MYLK: variants seen among roughly 807,000 people sequenced by gnomAD.
MYLK encodes myosin light chain kinase, smooth muscle.
MYLK carries 106 observed loss-of-function variants against 203.4 expected under a neutral mutation model. The ratio of observed to expected loss-of-function variants is 0.52; its 90% CI spans 0.45 to 0.61. The LOEUF (loss-of-function observed/expected upper bound fraction) is 0.61. Ranked by LOEUF, MYLK falls within the 20% of genes least tolerant of loss-of-function variation. The pLI, the probability that MYLK is intolerant of heterozygous loss-of-function variation, is 0.00. For synonymous variants in MYLK, 867 were observed against 959.5 expected, an observed-to-expected ratio of 0.90 and a Z score of 1.78; for missense variants, 2,072 against 2,442.3, an observed-to-expected ratio of 0.85 and a Z score of 3.20.
intron 20 of MYLK, among the ~76,000 whole-genome samples, chr3:123,669,863 C>T (rs999128021): frequency 1.1e-4 from 16 of 151,590 alleles, no homozygotes; most frequent in African/African-American, 3.9e-4. Flanking sequence ...GGCAAAACCC[C>T]ATCTCTACGA....
intron 2 of MYLK, 79 bp downstream of exon 2, chr3:123,876,480 C>A (rs1448218574): frequency 6.6e-6 from 1 of 152,066 alleles, no homozygotes; most frequent in Non-Finnish European, 1.5e-5. Flanking sequence ...TCCTGAGAAA[C>A]TATAAAGTGA....
intron 3 of MYLK, among the ~76,000 whole-genome samples, chr3:123,798,819 A>G (rs1344322419): frequency 1.3e-5 from 2 of 152,200 alleles, no homozygotes; most frequent in Non-Finnish European, 2.9e-5. Flanking sequence ...CACTGCCATC[A>G]TCAGCATAAA....
chr3:123,666,075 G>A lies in MYLK; in HGVS notation c.3831+144C>T, dbSNP rs1270467582. On this transcript the variant is annotated intron_variant, in intron 22 of 33. Coordinates refer to ENST00000360304, the MANE Select transcript of MYLK (RefSeq NM_053025.4). The stretch of plus-strand genomic sequence containing the variant: ...AAGAACTCAGGTTTGGCAGGTGAGC[G>A]ATGGGTAGGGGAGTGGCCTCTCCCA... 1.5e-5 allele frequency: 19 copies of A among 1,281,310 alleles called. 1 individual carries two copies. Among genetic ancestry groups the A allele is most frequent in the South Asian group, 7.5e-5 (6 of 79,628 alleles). The allele number at this position is 1,281,310 out of a possible 1,614,324, so 79.4% of individuals were successfully genotyped here. A position where few individuals can be genotyped will look rare whatever the true frequency, so the allele number is the denominator to read the frequency against.
Position 123,733,744 on chromosome 3 carries a change from T to C in MYLK, c.1252A>G (p.Ser418Gly). 6.2e-7 allele frequency: 1 copy of C among 1,614,202 alleles called. No individual in the cohort carries two copies. The highest frequency in any genetic ancestry group is 1.3e-5 in the African/African-American group (1 of 75,066). The change falls in exon 10 of 34, where the codon AGC (serine) becomes GGC (glycine). Residue 418 changes from serine (S) to glycine (G), a missense_variant. By Grantham distance (56) the Ser-to-Gly change is moderately conservative. This residue lies in a region of MYLK where 683 missense variants were observed against 643.8 expected (regional missense o/e 1.06). Coordinates refer to ENST00000360304, the MANE Select transcript of MYLK (RefSeq NM_053025.4). ...QRDSAFPKFE[S>G]KPQSQEVKEN... ...TTGACCTCCTGGCTTTGGGGCTTGC[T>C]CTCAAATTTGGGGAATGCTGAATCC...
At position 123,644,600 on chromosome 3, in the gene MYLK, C is replaced by G. The variant is rs192664388; in HGVS notation, c.4619+2624G>C. 11 of 152,528 alleles carry G rather than the reference C, an allele frequency of 7.2e-5. No individual in the cohort carries two copies. The East Asian group carries it at 2.1e-3, about 29-fold the overall frequency. The allele number at this position is 152,528 out of a possible 1,614,324, so 9.4% of individuals were successfully genotyped here. A position where few individuals can be genotyped will look rare whatever the true frequency, so the allele number is the denominator to read the frequency against. The stretch of plus-strand genomic sequence containing the variant: ...CCCTGTGACTCCTGCCCTCCCTGCA[C>G]CCTCTCAACTTGCTCAAGGTTTAAC... On this transcript the variant is annotated intron_variant, in intron 27 of 33. Coordinates refer to ENST00000360304, the MANE Select transcript of MYLK (RefSeq NM_053025.4).
chr3:123,670,331 G>C (rs2108367758), intron 20 of MYLK, among the ~76,000 whole-genome samples: 2 of 152,322 alleles, frequency 1.3e-5, no homozygotes, highest in South Asian at 4.1e-4. Flanking sequence ...ACTGGAGAAA[G>C]AGGAGAACCC....
chr3:123,692,694 C>T (rs546977989), intron 19 of MYLK, 41 bp downstream of exon 19: 21 of 1,473,048 alleles, frequency 1.4e-5, no homozygotes, highest in South Asian at 1.2e-4. Context: ...AGAAATGGGA[C>T]CCCTGTGTAT....
chr3:123,695,097 G>T (rs2060859311), intron 18 of MYLK, among the ~76,000 whole-genome samples: 1 of 152,194 alleles, frequency 6.6e-6, no homozygotes, highest in African/African-American at 2.4e-5. Flanking sequence ...GGGGGCAGAG[G>T]GGAGGAAGGG....
rs758668206 is a variant in MYLK, at chr3:123,752,514, C to T, written c.190G>A (p.Val64Met). 4.3e-6 allele frequency: 7 copies of T among 1,613,828 alleles called. No individual in the cohort carries two copies. The South Asian group carries it at 6.6e-5, about 15-fold the overall frequency. Reference sequence around the variant, plus strand: ...GGTTGCCCGTTTCTGTGCCATGTCACCTGGGGCTCTGGGTAACCCCGGACC... The same window carrying T: ...GGTTGCCCGTTTCTGTGCCATGTCATCTGGGGCTCTGGGTAACCCCGGACC... ...GRVRGYPEPQ[V>M]TWHRNGQPIT... Residue 64 changes from valine to methionine, a missense_variant, in exon 5 of 34, where the codon GTG becomes ATG. Val to Met is a conservative substitution (Grantham distance 21, BLOSUM62 1). Coordinates refer to ENST00000360304, the MANE Select transcript of MYLK (RefSeq NM_053025.4).
chr3:123,809,094 G>A (rs745925569), intron 3 of MYLK, among the ~76,000 whole-genome samples: 25 of 152,258 alleles, frequency 1.6e-4, no homozygotes, highest in Non-Finnish European at 2.6e-4. Flanking sequence ...GAGAGCCCCT[G>A]GCTCACCTTC....
At chr3:123,711,690 GTT>G (rs1195884325) in intron 13 of MYLK, among the ~76,000 whole-genome samples, 1 of 152,152 alleles carries the variant, frequency 6.6e-6, no homozygotes, top group Non-Finnish European at 1.5e-5. Flanking sequence ...AGCAATTTTT[GTT>G]TTTGTTTTTG....
In MYLK at chr3:123,657,109, A is replaced by C. The variant is rs769067773; in HGVS notation, c.4288+17T>G. On this transcript the variant is annotated intron_variant, in intron 24 of 33. Transcript: ENST00000360304. ...GCACATTTGTTTCAAGCCACTGATGAAGTGATGGCAGCCTACCTTCAGGTT... is the reference window on the plus strand; with the variant it reads ...GCACATTTGTTTCAAGCCACTGATGCAGTGATGGCAGCCTACCTTCAGGTT... The C allele has an allele frequency of 3.7e-6, 6 of 1,614,160 alleles. No individual in the cohort carries two copies. The highest frequency in any genetic ancestry group is 4.2e-6 in the Non-Finnish European group (5 of 1,179,988).
intron 4 of MYLK, among the ~76,000 whole-genome samples, chr3:123,788,263 C>T (rs1277005414): frequency 6.6e-6 from 1 of 152,142 alleles, no homozygotes; most frequent in Non-Finnish European, 1.5e-5. Context: ...CCTAATTATA[C>T]ACTGTCATAT....
At chr3:123,745,057 A>C (rs2062974309) in intron 5 of MYLK, among the ~76,000 whole-genome samples, 1 of 152,170 alleles carries the variant, frequency 6.6e-6, no homozygotes, top group African/African-American at 2.4e-5. Context: ...ATTTTTCAAA[A>C]ATTTTGGAGG....
At chr3:123,782,098 A>T (rs572211670) in intron 4 of MYLK, among the ~76,000 whole-genome samples, 5 of 152,184 alleles carry the variant, frequency 3.3e-5, no homozygotes, top group African/African-American at 9.7e-5. Flanking sequence ...TCGTGATTTT[A>T]TAAGAAGGAA....
At chr3:123,802,873 C>T (rs1336768841) in intron 3 of MYLK, among the ~76,000 whole-genome samples, 1 of 152,202 alleles carries the variant, frequency 6.6e-6, no homozygotes, top group East Asian at 1.9e-4. Flanking sequence ...TCTTAGGTTT[C>T]ACCCCCTCAG....
At chr3:123,866,962 C>T (rs541362880) in intron 2 of MYLK, among the ~76,000 whole-genome samples, 33 of 152,244 alleles carry the variant, frequency 2.2e-4, no homozygotes, top group Admixed American at 1.9e-3. Flanking sequence ...ATTTCTATGA[C>T]TCCCCACTGG....
At chr3:123,727,880 G>A (rs182431669) in intron 11 of MYLK, among the ~76,000 whole-genome samples, 1 of 152,124 alleles carries the variant, frequency 6.6e-6, no homozygotes. Flanking sequence ...GAGAAGTCTT[G>A]GGAAGGGAAA....
At chr3:123,703,664 G>C (rs1405519757) in intron 16 of MYLK, among the ~76,000 whole-genome samples, 1 of 149,484 alleles carries the variant, frequency 6.7e-6, no homozygotes, top group African/African-American at 2.5e-5. Context: ...TATGGACTTT[G>C]GGTGAGCTTG....
Sources: allele counts gnomAD v4.1 joint callset (sites outside exome capture counted in the v4.1 genomes callset), GRCh38; gene constraint gnomAD v4.1.1; regional missense constraint gnomAD v4.1.1; transcripts MANE v1.5; gene names NCBI Gene and HGNC (gene_info 2026-07-23, HGNC 2026-07-21).